Variants in TM9SF3 observed in about 807,000 individuals in gnomAD.
TM9SF3 encodes the protein SM-11044-binding protein.
In TM9SF3, 14 loss-of-function variants were observed where a neutral mutation model predicts 78.6. The ratio of observed to expected loss-of-function variants is 0.18; its 90% CI spans 0.12 to 0.28. The LOEUF (loss-of-function observed/expected upper bound fraction) is 0.28. Among genes scored for constraint, TM9SF3 ranks in the 10% least tolerant of loss-of-function variants. TM9SF3 has a pLI of 1.00. For synonymous variants in TM9SF3, 231 were observed against 241.7 expected (o/e 0.96, Z 0.41); for missense variants, 496 against 721.9 (o/e 0.69, Z 3.59).
At chr10:96,539,819 CA>C (rs1034340322) in intron 9 of TM9SF3, among the ~76,000 whole-genome samples, 6 of 150,136 alleles carry the variant, frequency 4.0e-5, no homozygotes, top group Middle Eastern at 3.4e-3. Flanking sequence ...GAAAAATGTC[CA>C]AAAAAAAAGA....
intron 9 of TM9SF3, among the ~76,000 whole-genome samples, chr10:96,541,652 A>T (rs1254138075): frequency 6.6e-6 from 1 of 152,226 alleles, no homozygotes; most frequent in Non-Finnish European, 1.5e-5. Context: ...CCATGCTGGA[A>T]TTACAGGCGT....
chr10:96,543,344 C>CTTTTTTTTTTTTTTTTTTTTTTTTTTTTT (rs398014526), intron 9 of TM9SF3, among the ~76,000 whole-genome samples: 1 of 136,894 alleles, frequency 7.3e-6, no homozygotes, highest in Non-Finnish European at 1.5e-5. Context: ...TAGTGAGATT[C>CTTTTTTTTTTTTTTTTTTTTTTTTTTTTT]TTTTTTTTGA....
chr10:96,551,421 A>AATAT lies in TM9SF3; in HGVS notation c.793-14_793-11dup. The AATAT allele has an allele frequency of 2.6e-6, 4 of 1,516,182 alleles. No individual in the cohort carries two copies. The highest frequency in any genetic ancestry group is 2.0e-5 in the Admixed American group (1 of 49,556). The allele number at this position is 1,516,182 out of a possible 1,614,324, so 93.9% of individuals were successfully genotyped here. On this transcript the variant is annotated splice_polypyrimidine_tract_variant and intron_variant, in intron 6 of 14. Coordinates refer to ENST00000371142, the MANE Select transcript of TM9SF3 (RefSeq NM_020123.4). The stretch of plus-strand genomic sequence containing the variant: ...CTCCTAGGTCTCTATCCTATATACA[A>AATAT]ATATATATATAGAGAGAGAAAAGCA...
intron 1 of TM9SF3, among the ~76,000 whole-genome samples, chr10:96,585,455 T>G (rs1307097585): frequency 6.6e-6 from 1 of 152,210 alleles, no homozygotes; most frequent in East Asian, 1.9e-4. Context: ...AAAATTATCT[T>G]AGGTGAAACA....
At chr10:96,556,096 G>T (rs927957958) in intron 5 of TM9SF3, among the ~76,000 whole-genome samples, 1 of 152,078 alleles carries the variant, frequency 6.6e-6, no homozygotes, top group African/African-American at 2.4e-5. Flanking sequence ...ATGAGATGTT[G>T]TATAATTGTG....
At chr10:96,584,610 T>C (rs1474715786) in intron 1 of TM9SF3, among the ~76,000 whole-genome samples, 4 of 151,992 alleles carry the variant, frequency 2.6e-5, no homozygotes, top group Non-Finnish European at 5.9e-5. Context: ...TCGTTTTGAG[T>C]TCAAGACCAG....
At chr10:96,583,219 T>C (rs1448727041) in intron 1 of TM9SF3, among the ~76,000 whole-genome samples, 1 of 152,198 alleles carries the variant, frequency 6.6e-6, no homozygotes, top group African/African-American at 2.4e-5. Flanking sequence ...CATAAGGTAT[T>C]GTCCCTTCTT....
chr10:96,538,313 C>T (rs1360706101), intron 9 of TM9SF3, among the ~76,000 whole-genome samples: 1 of 152,108 alleles, frequency 6.6e-6, no homozygotes, highest in African/African-American at 2.4e-5. Context: ...GCTGGAACAA[C>T]TGAACAGTCA....
At chr10:96,538,980 A>G (rs1320456232) in intron 9 of TM9SF3, among the ~76,000 whole-genome samples, 2 of 152,242 alleles carry the variant, frequency 1.3e-5, no homozygotes, top group African/African-American at 2.4e-5. Context: ...TTAAACTACC[A>G]TATGACCCAG....
chr10:96,565,697 A>T (rs1445420814), intron 2 of TM9SF3, among the ~76,000 whole-genome samples: 1 of 152,268 alleles, frequency 6.6e-6, no homozygotes, highest in East Asian at 1.9e-4. Context: ...CAAATTATAC[A>T]AGAAAATTTA....
intron 1 of TM9SF3, among the ~76,000 whole-genome samples, chr10:96,578,493 T>C (rs1848523076): frequency 6.6e-6 from 1 of 152,200 alleles, no homozygotes; most frequent in Non-Finnish European, 1.5e-5. Context: ...TCATAAGCTG[T>C]TTCAAGGGAG....
chr10:96,535,891 C>T (rs1401110630), intron 9 of TM9SF3, among the ~76,000 whole-genome samples: 1 of 152,232 alleles, frequency 6.6e-6, no homozygotes, highest in Non-Finnish European at 1.5e-5. Context: ...AGGCCAATAT[C>T]TCTCATAAAC....
intron 7 of TM9SF3, among the ~76,000 whole-genome samples, chr10:96,550,704 T>G (rs1326997359): frequency 6.6e-6 from 1 of 152,218 alleles, no homozygotes; most frequent in Non-Finnish European, 1.5e-5. Context: ...AAGAAAGAAT[T>G]ACAAAACTTG....
chr10:96,575,204 TC>T (rs1848483376), intron 2 of TM9SF3, among the ~76,000 whole-genome samples: 2 of 152,282 alleles, frequency 1.3e-5, no homozygotes, highest in African/African-American at 4.8e-5. Flanking sequence ...TGTTGGTTCC[TC>T]TTTAATAAAC....
chr10:96,560,576 G>A lies in TM9SF3; in HGVS notation c.583-840C>T, dbSNP rs1195080708. On this transcript the variant is annotated intron_variant, in intron 4 of 14. Coordinates refer to ENST00000371142, the MANE Select transcript of TM9SF3 (RefSeq NM_020123.4). ...CAGAATCAGAAGATGAACAGGAGGA[G>A]GCGAAATTCTTAAGGATATCTGGAA... The A allele has an allele frequency of 7.3e-6, 5 of 683,942 alleles. No individual in the cohort carries two copies. In the East Asian group the frequency reaches 1.2e-4, roughly 16 times the overall value. The allele number at this position is 683,942 out of a possible 1,614,324, so 42.4% of individuals were successfully genotyped here.
At chr10:96,537,689 G>T (rs1173426045) in intron 9 of TM9SF3, among the ~76,000 whole-genome samples, 2 of 152,166 alleles carry the variant, frequency 1.3e-5, no homozygotes, top group Non-Finnish European at 2.9e-5. Flanking sequence ...AAAATTAGCT[G>T]GGCGTGGTGA....
chr10:96,571,163 C>T (rs1448278994), intron 2 of TM9SF3, among the ~76,000 whole-genome samples: 2 of 152,192 alleles, frequency 1.3e-5, no homozygotes, highest in Non-Finnish European at 2.9e-5. Context: ...ACTGGTGTCA[C>T]AGAACCCAAG....
At position 96,553,046 on chromosome 10, in the gene TM9SF3, G is replaced by A; in HGVS notation, c.674C>T (p.Ser225Leu). 1 of 1,577,668 alleles carries A rather than the reference G, an allele frequency of 6.3e-7. No homozygotes were observed. The change falls in exon 6 of 15, where the codon TCA (serine) becomes TTA (leucine). Residue 225 changes from serine (S) to leucine (L), a missense_variant. This residue lies in a region of TM9SF3 where 155 missense variants were observed against 241.6 expected (regional missense o/e 0.64). Coordinates refer to ENST00000371142, the MANE Select transcript of TM9SF3 (RefSeq NM_020123.4). ...CACCATCATGAAGGAGTTGAAAATT[G>A]AAAACCAATGAATCTAAAATAACAG... The part of the protein sequence containing the change: ...SFFQHRIHWF[S>L]IFNSFMMVIF...
intron 11 of TM9SF3, among the ~76,000 whole-genome samples, chr10:96,529,526 G>A (rs1847873851): frequency 6.6e-6 from 1 of 151,730 alleles, no homozygotes; most frequent in South Asian, 2.1e-4. Flanking sequence ...GAATGCTTCA[G>A]ATAGGACTTT....
Sources: gnomAD v4.1 joint callset for allele counts (sites outside exome capture counted in the v4.1 genomes callset) on GRCh38, gnomAD v4.1.1 for gene constraint, gnomAD v4.1.1 regional missense constraint, MANE v1.5 for transcripts, NCBI Gene and HGNC (gene_info 2026-07-23, HGNC 2026-07-21) for gene names.